ZFPM2: variants seen among roughly 807,000 people sequenced by gnomAD.
ZFPM2 encodes zinc finger protein ZFPM2.
A neutral mutation model predicts 98.6 loss-of-function variants in ZFPM2; 20 were observed. That is an observed-to-expected ratio of 0.20 (90% CI 0.14 to 0.29). The LOEUF (loss-of-function observed/expected upper bound fraction) is 0.29, where lower values mean the gene tolerates loss of function less well. Among genes scored for constraint, ZFPM2 ranks in the 10% least tolerant of loss-of-function variants. The probability of loss-of-function intolerance (pLI) is 1.00; values close to 1 mark genes in which losing one functional copy is unlikely to be tolerated. For synonymous variants in ZFPM2, 518 were observed against 502.7 expected, an observed-to-expected ratio of 1.03 and a Z score of -0.41; for missense variants, 1,310 against 1,388.6, an observed-to-expected ratio of 0.94 and a Z score of 0.90.
At chr8:105,357,583 T>C (rs1015016581) in intron 1 of ZFPM2, among the ~76,000 whole-genome samples, 27 of 152,340 alleles carry the variant, frequency 1.8e-4, no homozygotes, top group African/African-American at 6.3e-4. Flanking sequence ...TTTTGTCATA[T>C]ATTTATAACA....
chr8:105,455,396 G>A (rs543818859), intron 3 of ZFPM2, among the ~76,000 whole-genome samples: 3 of 152,070 alleles, frequency 2.0e-5, no homozygotes, highest in Non-Finnish European at 2.9e-5. Context: ...TTTCAAAACC[G>A]TTGTCATGAG....
intron 4 of ZFPM2, among the ~76,000 whole-genome samples, chr8:105,578,524 G>T (rs1377677469): frequency 6.6e-6 from 1 of 151,990 alleles, no homozygotes; most frequent in Non-Finnish European, 1.5e-5. Context: ...TCAGTAATTT[G>T]CTTCCATTCT....
At chr8:105,730,489 C>A (rs759293137) in intron 5 of ZFPM2, among the ~76,000 whole-genome samples, 9 of 151,742 alleles carry the variant, frequency 5.9e-5, no homozygotes, top group Non-Finnish European at 1.3e-4. Flanking sequence ...ATAGATTTTA[C>A]ATGCACAAAG....
At chr8:105,744,714 T>C (rs973068327) in intron 5 of ZFPM2, among the ~76,000 whole-genome samples, 1 of 98,888 alleles carries the variant, frequency 1.0e-5, no homozygotes, top group Non-Finnish European at 2.0e-5. Context: ...TAGATAAGCG[T>C]AGGGTGAAGT....
chr8:105,780,505 G>A (rs923532399), intron 5 of ZFPM2: 6 of 152,160 alleles, frequency 3.9e-5, no homozygotes, highest in African/African-American at 1.4e-4. Flanking sequence ...ACGCTCAGTC[G>A]TTACATCATT....
intron 6 of ZFPM2, 173 bp downstream of exon 6, chr8:105,789,097 T>G (rs1265714986): frequency 8.4e-6 from 5 of 592,706 alleles, no homozygotes; most frequent in Non-Finnish European, 1.4e-5. Context: ...TACTTTTTTT[T>G]TTTATACTTT....
intron 3 of ZFPM2, among the ~76,000 whole-genome samples, chr8:105,549,860 T>C (rs1053279253): frequency 1.1e-4 from 17 of 151,994 alleles, no homozygotes; most frequent in Non-Finnish European, 2.1e-4. Context: ...ACAATTCTCC[T>C]GCCTTGGCCT....
intron 3 of ZFPM2, among the ~76,000 whole-genome samples, chr8:105,547,941 A>G (rs1340751097): frequency 6.6e-6 from 1 of 152,162 alleles, no homozygotes; most frequent in Non-Finnish European, 1.5e-5. Flanking sequence ...ATTCTGATAT[A>G]TAGTCATGAA....
At chr8:105,420,736 G>A (rs1437596591) in intron 2 of ZFPM2, among the ~76,000 whole-genome samples, 4 of 152,044 alleles carry the variant, frequency 2.6e-5, no homozygotes, top group Non-Finnish European at 5.9e-5. Context: ...TTAAATTTAT[G>A]TTTGAAGACA....
At chr8:105,391,865 AT>A (rs1368377425) in intron 1 of ZFPM2, among the ~76,000 whole-genome samples, 1 of 152,244 alleles carries the variant, frequency 6.6e-6, no homozygotes, top group East Asian at 1.9e-4. Context: ...CTTCCTCCAA[AT>A]TCCTGTTAAT....
At chr8:105,786,019 G>A (rs1266648855) in intron 5 of ZFPM2, among the ~76,000 whole-genome samples, 2 of 137,182 alleles carry the variant, frequency 1.5e-5, no homozygotes, top group Admixed American at 1.6e-4. Flanking sequence ...TCCAGCCTGG[G>A]CGACAGAGGG....
chr8:105,503,789 T>A (rs1813643154), intron 3 of ZFPM2, among the ~76,000 whole-genome samples: 1 of 152,190 alleles, frequency 6.6e-6, no homozygotes, highest in Non-Finnish European at 1.5e-5. Context: ...AGAAAAGGTA[T>A]GTGGTAGAGG....
At chr8:105,382,198 T>TAG in intron 1 of ZFPM2, among the ~76,000 whole-genome samples, 1 of 152,124 alleles carries the variant, frequency 6.6e-6, no homozygotes, top group East Asian at 1.9e-4. Context: ...ATACTTCTAT[T>TAG]ATTTCTATCT....
chr8:105,461,294 A>G (rs1812700191), intron 3 of ZFPM2, among the ~76,000 whole-genome samples: 1 of 152,174 alleles, frequency 6.6e-6, no homozygotes, highest in South Asian at 2.1e-4. Context: ...GAAATGCCAG[A>G]TATTCAAATA....
chr8:105,646,380 G>T (rs1817047339), intron 5 of ZFPM2, among the ~76,000 whole-genome samples: 1 of 152,070 alleles, frequency 6.6e-6, no homozygotes, highest in Non-Finnish European at 1.5e-5. Flanking sequence ...GAGTCATTCT[G>T]TTTAACCTTT....
intron 1 of ZFPM2, among the ~76,000 whole-genome samples, chr8:105,323,072 A>G (rs1433075619): frequency 1.3e-5 from 2 of 151,590 alleles, no homozygotes; most frequent in African/African-American, 4.8e-5. Context: ...CATTTCTATA[A>G]CCTTAAAATT....
In ZFPM2 at chr8:105,802,136, A is replaced by G. The variant is rs1201988383; in HGVS notation, c.2054A>G (p.Asn685Ser). The G allele has an allele frequency of 6.2e-7, 1 of 1,613,872 alleles. No individual in the cohort carries two copies. Among genetic ancestry groups the G allele is most frequent in the Non-Finnish European group, 8.5e-7 (1 of 1,179,862 alleles). Residue 685 changes from asparagine to serine, a missense_variant, in exon 8 of 8, where the codon AAT becomes AGT. Coordinates refer to ENST00000407775, the MANE Select transcript of ZFPM2 (RefSeq NM_012082.4). ...TTAGTGGATGGGGAAAGTGACCCAA[A>G]TAAGACTACCTGTGAAGCTTGCAAC... is the stretch of plus-strand genomic sequence containing the variant. ...VPLVDGESDPNKTTCEACNIT... is the reference protein window; with the variant it reads ...VPLVDGESDPSKTTCEACNIT...
rs561558782 is a variant in ZFPM2 at position 105,732,433 on chromosome 8, C to A, written c.533-56285C>A. Among the ~76,000 whole-genome samples the A allele has an allele frequency of 2.6e-5, 4 of 151,826 alleles. No individual in the cohort carries two copies. In the East Asian group the frequency reaches 7.8e-4, roughly 30 times the overall value. The stretch of plus-strand genomic sequence containing the variant: ...AAATATGTTCTGCTAATGAGGATCC[C>A]AGCTACCCCCATCAGGGCTAACTAT... On this transcript the variant is annotated intron_variant, in intron 5 of 7. Transcript: ENST00000407775.
At chr8:105,468,926 T>C (rs1812844774) in intron 3 of ZFPM2, among the ~76,000 whole-genome samples, 1 of 152,148 alleles carries the variant, frequency 6.6e-6, no homozygotes, top group Non-Finnish European at 1.5e-5. Flanking sequence ...CTCTTTCCTC[T>C]CTGCTTTATT....
Sources: gnomAD v4.1 joint callset for allele counts (sites outside exome capture counted in the v4.1 genomes callset) on GRCh38, gnomAD v4.1.1 for gene constraint, MANE v1.5 for transcripts, NCBI Gene and HGNC (gene_info 2026-07-23, HGNC 2026-07-21) for gene names.